Variants in WEE2 observed in about 807,000 individuals in gnomAD.
The protein encoded by WEE2 is wee1-like protein kinase 2.
In WEE2, 50 loss-of-function variants were observed where a neutral mutation model predicts 60.1. The observed-to-expected ratio is 0.83, with a 90% CI of 0.66 to 1.05. WEE2 has a LOEUF of 1.05. Ranked by LOEUF, WEE2 falls within the 50% of genes least tolerant of loss-of-function variation. WEE2 has a pLI of 0.00. For synonymous variants in WEE2, 240 were observed against 241.0 expected, an observed-to-expected ratio of 1.00 and a Z score of 0.04; for missense variants, 631 against 684.3, an observed-to-expected ratio of 0.92 and a Z score of 0.87.
intron 10 of WEE2, 88 bp from the exon 11 acceptor site, chr7:141,729,440 CAAG>C: frequency 4.5e-6 from 7 of 1,552,424 alleles, no homozygotes; most frequent in Non-Finnish European, 6.2e-6. Flanking sequence ...AATACTGAAA[CAAG>C]AAGAAAAACA....
intron 1 of WEE2, among the ~76,000 whole-genome samples, chr7:141,713,858 T>C (rs1798747837): frequency 6.6e-6 from 1 of 152,200 alleles, no homozygotes; most frequent in Non-Finnish European, 1.5e-5. Context: ...TCTGAGAATA[T>C]AGTCATTTTT....
At position 141,724,230 on chromosome 7, in the gene WEE2, G is replaced by A. The variant is rs748078513; in HGVS notation, c.1176G>A (p.Val392=). The A allele has an allele frequency of 1.2e-6, 2 of 1,613,638 alleles. No homozygotes were observed. Among genetic ancestry groups the A allele is most frequent in the Non-Finnish European group, 8.5e-7 (1 of 1,179,874 alleles). The part of the protein sequence containing the change: ...GHATSINKPK[V]EEGDSRFLAN... ...CAACATCAATAAACAAACCCAAAGTGGAAGAAGGAGATAGTCGCTTCCTGG... is the reference window on the plus strand; with the variant it reads ...CAACATCAATAAACAAACCCAAAGTAGAAGAAGGAGATAGTCGCTTCCTGG... Residue 392 remains valine, a synonymous_variant, in exon 8 of 12, where the codon GTG becomes GTA. Coordinates refer to ENST00000397541, the MANE Select transcript of WEE2 (RefSeq NM_001105558.1).
chr7:141,718,882 A>G (rs1416696257), intron 3 of WEE2, among the ~76,000 whole-genome samples, 190 bp from the exon 4 acceptor site: 1 of 152,208 alleles, frequency 6.6e-6, no homozygotes, highest in East Asian at 1.9e-4. Context: ...GTTACAAAGA[A>G]AACAAAGAAG....
chr7:141,728,160 C>G (rs148949113), intron 10 of WEE2: 1 of 151,892 alleles, frequency 6.6e-6, no homozygotes, highest in Non-Finnish European at 1.5e-5. Context: ...AAAACGGAAA[C>G]AAAAAAATAG....
At chr7:141,722,011 A>G (rs1798920226) in intron 5 of WEE2, among the ~76,000 whole-genome samples, 1 of 152,142 alleles carries the variant, frequency 6.6e-6, no homozygotes, top group South Asian at 2.1e-4. Context: ...CTCAAATTCC[A>G]TGACTATCTC....
At chr7:141,723,748 C>T (rs759780305) in intron 6 of WEE2, among the ~76,000 whole-genome samples, 193 bp from the exon 7 acceptor site, 4 of 151,876 alleles carry the variant, frequency 2.6e-5, no homozygotes, top group Non-Finnish European at 5.9e-5. Flanking sequence ...ATCAGTTGAA[C>T]TTAAATAGGT....
In WEE2 at chr7:141,708,520, G is replaced by T; in HGVS notation, c.-239G>T. The T allele has an allele frequency of 1.8e-6, 1 of 557,654 alleles. No homozygotes were observed. Among genetic ancestry groups the T allele is most frequent in the Non-Finnish European group, 3.2e-6 (1 of 313,702 alleles). 34.5% of individuals were successfully genotyped at this position (557,654 alleles called of 1,614,324 possible). On this transcript the variant is annotated 5_prime_UTR_variant, in exon 1 of 12. Transcript: ENST00000397541. ...TGAACTGCATTTAATTGCTCCGAGAGTCACTGGAGCTTTCTTTAATCAGAA... is the reference window on the plus strand; with the variant it reads ...TGAACTGCATTTAATTGCTCCGAGATTCACTGGAGCTTTCTTTAATCAGAA...
In WEE2 at chr7:141,708,944, C is replaced by T. The variant is rs373578717; in HGVS notation, c.186C>T (p.Asn62=). 127 of 1,613,998 alleles carry T rather than the reference C, an allele frequency of 7.9e-5. No homozygotes were observed. The highest frequency in any genetic ancestry group is 1.8e-4 in the South Asian group (16 of 91,090). Reference sequence around the variant, plus strand: ...CACCACCTTGGACTCCCCTTAGCAACGTGCATGAGCTCGACACATCTTCGG... The same window carrying T: ...CACCACCTTGGACTCCCCTTAGCAATGTGCATGAGCTCGACACATCTTCGG... ...KGTPPWTPLS[N]VHELDTSSEK... The change falls in exon 1 of 12, where the codon AAC becomes AAT. Residue 62 remains asparagine, a synonymous_variant. Transcript: ENST00000397541.
intron 2 of WEE2, among the ~76,000 whole-genome samples, chr7:141,715,496 A>T (rs1180125631): frequency 6.6e-6 from 1 of 152,184 alleles, no homozygotes; most frequent in Non-Finnish European, 1.5e-5. Flanking sequence ...TGCCATTTCT[A>T]CCTTGTGTTT....
intron 10 of WEE2, chr7:141,728,057 C>T (rs1799051660): frequency 1.3e-5 from 2 of 152,378 alleles, no homozygotes; most frequent in South Asian, 4.1e-4. Flanking sequence ...CGATTGCACT[C>T]CGGATGTGCT....
chr7:141,717,525 A>C (rs956164691), intron 3 of WEE2, among the ~76,000 whole-genome samples: 1 of 152,260 alleles, frequency 6.6e-6, no homozygotes, highest in Admixed American at 6.5e-5. Context: ...ACACCCTTTA[A>C]GGAAAAACAT....
chr7:141,723,147 A>G lies in WEE2; in HGVS notation c.894A>G (p.Gln298=), dbSNP rs377355592. ...QNEYCNGGSL[Q]AAISENTKSG... is the part of the protein sequence containing the mutation. ...GTTCTTTCCCAGGTGGGAGTTTGCA[A>G]GCTGCTATATCTGAAAACACTAAGT... Residue 298 remains glutamine (Q), a synonymous_variant, in exon 6 of 12, where the codon CAA becomes CAG. Coordinates refer to ENST00000397541, the MANE Select transcript of WEE2 (RefSeq NM_001105558.1). The G allele has an allele frequency of 6.2e-7, 1 of 1,614,118 alleles. No homozygotes were observed. The highest frequency in any genetic ancestry group is 8.5e-7 in the Non-Finnish European group (1 of 1,179,994).
In WEE2 at chr7:141,714,332, A is replaced by C; in HGVS notation, c.466A>C (p.Asn156His). ...EMTSLALVNI[N>H]PFTPESYKKL... ...GACCTCATTGGCTCTGGTCAATATT[A>C]ATCCCTTCACTCCAGAGTCCTATAA... The change falls in exon 2 of 12, where the codon AAT (asparagine) becomes CAT (histidine). Residue 156 changes from asparagine (N) to histidine (H), a missense_variant. Physicochemically the swap from Asn to His is moderately conservative, Grantham distance 68. Coordinates refer to ENST00000397541, the MANE Select transcript of WEE2 (RefSeq NM_001105558.1). 1 of 1,613,880 alleles carries C rather than the reference A, an allele frequency of 6.2e-7. No individual in the cohort carries two copies. The highest frequency in any genetic ancestry group is 1.1e-5 in the South Asian group (1 of 91,058).
In WEE2 at chr7:141,729,477, C is replaced by T. The variant is rs1799085667; in HGVS notation, c.1536-54C>T. The T allele has an allele frequency of 2.0e-5, 32 of 1,609,286 alleles. 1 individual carries two copies. In the South Asian group the frequency reaches 3.4e-4, roughly 17 times the overall value. On this transcript the variant is annotated intron_variant, in intron 10 of 11. Coordinates refer to ENST00000397541, the MANE Select transcript of WEE2 (RefSeq NM_001105558.1). ...CATTTATATATTAGTTTTGATCATA[C>T]ATATCTCTGACTGGAGATCAAGTAG...
In WEE2 at chr7:141,727,466, G is replaced by T; in HGVS notation, c.1535+20G>T. On this transcript the variant is annotated intron_variant, in intron 10 of 11. Transcript: ENST00000397541. The stretch of plus-strand genomic sequence containing the variant: ...GGAAAGGTATATTTTTGGATGATGG[G>T]GGGTCAAGAAAGAATCTGAGCACTA... 6.2e-7 allele frequency: 1 copy of T among 1,613,308 alleles called. No individual in the cohort carries two copies. The highest frequency in any genetic ancestry group is 8.5e-7 in the Non-Finnish European group (1 of 1,179,694).
intron 8 of WEE2, 46 bp from the exon 9 acceptor site, chr7:141,724,980 A>G (rs764513681): frequency 6.9e-6 from 11 of 1,591,340 alleles, no homozygotes; most frequent in Admixed American, 1.7e-5. Flanking sequence ...ATCTAGACTC[A>G]CCCTGCTTGG....
rs1273707933 is a variant in WEE2 at position 141,714,420 on chromosome 7, A to C, written c.539+15A>C. On this transcript the variant is annotated intron_variant, in intron 2 of 11. Transcript: ENST00000397541. ...AGAGGAGATCTGTAAGTGCTCTATT[A>C]CTTATGACTTTTGAGAACTGACCCT... is the stretch of plus-strand genomic sequence containing the variant. The C allele has an allele frequency of 6.3e-7, 1 of 1,588,812 alleles. No individual in the cohort carries two copies. Among genetic ancestry groups the C allele is most frequent in the East Asian group, 2.2e-5 (1 of 44,710 alleles).
At chr7:141,729,775 T>C (rs948827178) in intron 11 of WEE2, 102 bp downstream of exon 11, 5 of 1,354,144 alleles carry the variant, frequency 3.7e-6, no homozygotes, top group Middle Eastern at 2.6e-4. Flanking sequence ...GATCATGAGG[T>C]CAGGAGATCG....
intron 10 of WEE2, among the ~76,000 whole-genome samples, chr7:141,729,158 G>A (rs1265829500): frequency 6.6e-6 from 1 of 152,182 alleles, no homozygotes; most frequent in African/African-American, 2.4e-5. Flanking sequence ...ATGAGTGGCT[G>A]TGTTCCAATA....
Sources: allele counts gnomAD v4.1 joint callset (sites outside exome capture counted in the v4.1 genomes callset), GRCh38; gene constraint gnomAD v4.1.1; transcripts MANE v1.5; gene names NCBI Gene and HGNC (gene_info 2026-07-23, HGNC 2026-07-21).